Variants in CPB2 observed in about 807,000 individuals in gnomAD.
The protein encoded by CPB2 is carboxypeptidase B-like protein.
A neutral mutation model predicts 57.0 loss-of-function variants in CPB2; 54 were observed. That is an observed-to-expected ratio of 0.95 (90% CI 0.76 to 1.19). The LOEUF (loss-of-function observed/expected upper bound fraction) is 1.19, where lower values mean the gene tolerates loss of function less well. Ranked by LOEUF, CPB2 falls within the 50% of genes most tolerant of loss-of-function variation. The pLI, the probability that CPB2 is intolerant of heterozygous loss-of-function variation, is 0.00. For synonymous variants in CPB2, 189 were observed against 178.1 expected (o/e 1.06, Z -0.49); for missense variants, 426 against 512.0 (o/e 0.83, Z 1.62).
chr13:46,095,596 G>A (rs894572684), intron 1 of CPB2, among the ~76,000 whole-genome samples: 16 of 152,146 alleles, frequency 1.1e-4, no homozygotes, highest in African/African-American at 3.1e-4. Context: ...TATGTCAGTC[G>A]GAAAAAGCAT....
At chr13:46,096,628 A>G (rs891402521) in intron 1 of CPB2, 2 of 152,146 alleles carry the variant, frequency 1.3e-5, no homozygotes, top group Non-Finnish European at 2.9e-5. Context: ...AAATACAAAA[A>G]ATTAGCTGGG....
At chr13:46,094,523 C>A (rs1483635410) in intron 1 of CPB2, among the ~76,000 whole-genome samples, 1 of 152,136 alleles carries the variant, frequency 6.6e-6, no homozygotes, top group East Asian at 1.9e-4. Flanking sequence ...AACTACAGGA[C>A]ATGCCATTAC....
chr13:46,075,809 TA>T (rs17844221), intron 5 of CPB2, among the ~76,000 whole-genome samples: 1,815 of 152,220 alleles, frequency 0.012, 39 homozygotes, highest in African/African-American at 0.038. Context: ...TCCAGAGCTT[TA>T]AAAAAAATTT....
chr13:46,087,666 A>G, intron 2 of CPB2, 79 bp downstream of exon 2: 1 of 908,232 alleles, frequency 1.1e-6, no homozygotes, highest in South Asian at 1.4e-5. Flanking sequence ...TGTAAGCCAG[A>G]CAACATACAG....
intron 5 of CPB2, among the ~76,000 whole-genome samples, chr13:46,077,491 T>A (rs4942476): frequency 0.34 from 52,255 of 151,980 alleles, 9,206 homozygotes; most frequent in African/African-American, 0.39. Context: ...GTAAATTAGT[T>A]CAGCCACTAT....
chr13:46,095,823 G>A (rs920986429), intron 1 of CPB2, among the ~76,000 whole-genome samples: 1 of 151,078 alleles, frequency 6.6e-6, no homozygotes, highest in Non-Finnish European at 1.5e-5. Flanking sequence ...TACTAAGGGA[G>A]GCTCTTTCTA....
intron 9 of CPB2, among the ~76,000 whole-genome samples, chr13:46,056,960 G>A (rs959482485): frequency 1.3e-5 from 2 of 152,108 alleles, no homozygotes; most frequent in Non-Finnish European, 2.9e-5. Context: ...TGTACTGTCT[G>A]TGCCACGTAT....
At chr13:46,055,666 T>C in intron 10 of CPB2, 96 bp downstream of exon 10, 2 of 649,562 alleles carry the variant, frequency 3.1e-6, no homozygotes, top group South Asian at 2.5e-5. Flanking sequence ...TGTGACCCTA[T>C]TTAATTCAGA....
chr13:46,063,269 A>G (rs1353689494), intron 8 of CPB2, among the ~76,000 whole-genome samples: 2 of 152,168 alleles, frequency 1.3e-5, no homozygotes, highest in Non-Finnish European at 2.9e-5. Flanking sequence ...CATCACCCAA[A>G]TGGTGAACAC....
At chr13:46,080,491 A>G (rs2045095878) in intron 4 of CPB2, among the ~76,000 whole-genome samples, 1 of 152,238 alleles carries the variant, frequency 6.6e-6, no homozygotes, top group Non-Finnish European at 1.5e-5. Flanking sequence ...TCTCCAATTC[A>G]TATGTTCAAT....
chr13:46,062,507 T>C lies in CPB2; in HGVS notation c.796+2141A>G, dbSNP rs983235605. The stretch of plus-strand genomic sequence containing the variant: ...CTGTTCCTGTGAGCCCCTGGCATGT[T>C]ATTAGTGCCACAGCAAACTTTGGGC... On this transcript the variant is annotated intron_variant, in intron 8 of 10. Coordinates refer to ENST00000181383, the MANE Select transcript of CPB2 (RefSeq NM_001872.5). Among the ~76,000 whole-genome samples the C allele has an allele frequency of 9.2e-5, 14 of 152,192 alleles. 1 individual carries two copies. The highest frequency in any genetic ancestry group is 2.9e-4 in the African/African-American group (12 of 41,440).
chr13:46,055,911 G>T, intron 9 of CPB2, 62 bp from the exon 10 acceptor site: 1 of 961,084 alleles, frequency 1.0e-6, no homozygotes, highest in Non-Finnish European at 1.6e-6. Flanking sequence ...ACAAGTAGAA[G>T]TTTCTAAAAA....
intron 8 of CPB2, among the ~76,000 whole-genome samples, chr13:46,064,253 C>T (rs2044819238): frequency 1.3e-5 from 2 of 151,808 alleles, no homozygotes; most frequent in African/African-American, 4.8e-5. Flanking sequence ...CAGCAAGACT[C>T]TGTCTCAAAA....
intron 2 of CPB2, among the ~76,000 whole-genome samples, chr13:46,084,927 T>G (rs2045178338): frequency 6.6e-6 from 1 of 151,994 alleles, no homozygotes; most frequent in Admixed American, 6.6e-5. Flanking sequence ...CTTGGCTCAC[T>G]GCAAGCTCTG....
At position 46,064,661 on chromosome 13, in the gene CPB2, G is replaced by T. The variant is rs780834483; in HGVS notation, c.783C>A (p.Ser261=). ...CCAACAACCTACCACACCAGTGTTTGGAAGCAAAGTTCCTATTCAGGTCTG... is the reference window on the plus strand; with the variant it reads ...CCAACAACCTACCACACCAGTGTTTTGAAGCAAAGTTCCTATTCAGGTCTG... ...IGTDLNRNFA[S]KHWCEEGASS... is the part of the protein sequence containing the mutation. Residue 261 remains serine (S), a synonymous_variant, in exon 8 of 11, where the codon TCC becomes TCA. Coordinates refer to ENST00000181383, the MANE Select transcript of CPB2 (RefSeq NM_001872.5). The T allele has an allele frequency of 6.2e-7, 1 of 1,613,890 alleles. No individual in the cohort carries two copies. Among genetic ancestry groups the T allele is most frequent in the Non-Finnish European group, 8.5e-7 (1 of 1,179,774 alleles).
At chr13:46,073,372 C>G in intron 6 of CPB2, 1 of 511,946 alleles carries the variant, frequency 2.0e-6, no homozygotes, top group Admixed American at 6.4e-5. Flanking sequence ...TTATATATGG[C>G]TTTTTTGATG....
intron 1 of CPB2, among the ~76,000 whole-genome samples, chr13:46,095,876 C>CTTTTTTT (rs34686626): frequency 4.7e-5 from 4 of 85,746 alleles, no homozygotes; most frequent in Non-Finnish European, 8.7e-5. Context: ...GGCTATAGGA[C>CTTTTTTT]TTTTTTTTTT....
intron 1 of CPB2, among the ~76,000 whole-genome samples, chr13:46,103,237 T>C (rs17844158): frequency 0.032 from 4,914 of 152,326 alleles, 256 homozygotes; most frequent in African/African-American, 0.11. Flanking sequence ...CGCCAACCTC[T>C]GCAACAACCA....
chr13:46,070,385 A>T (rs2139369869), intron 6 of CPB2, among the ~76,000 whole-genome samples: 1 of 152,328 alleles, frequency 6.6e-6, no homozygotes, highest in Non-Finnish European at 1.5e-5. Context: ...TCTGTATAAA[A>T]GAAAAAGAAG....
Sources: gnomAD v4.1 joint callset for allele counts (sites outside exome capture counted in the v4.1 genomes callset) on GRCh38, gnomAD v4.1.1 for gene constraint, MANE v1.5 for transcripts, NCBI Gene and HGNC (gene_info 2026-07-23, HGNC 2026-07-21) for gene names.